The following NEK11 variants were observed in gnomAD, a reference collection of about 807,000 sequenced individuals.
NEK11 encodes the protein NIMA related kinase 11.
Under a neutral mutation model 80.7 loss-of-function variants are expected in NEK11, and 72 were observed. That is an observed-to-expected ratio of 0.89 (90% CI 0.74 to 1.08). The LOEUF (loss-of-function observed/expected upper bound fraction) is 1.08, where lower values mean the gene tolerates loss of function less well. Ranked by LOEUF, NEK11 falls within the 50% of genes least tolerant of loss-of-function variation. The probability of loss-of-function intolerance (pLI) is 0.00; values close to 1 mark genes in which losing one functional copy is unlikely to be tolerated. For missense variants in NEK11, 764 were observed against 763.6 expected, an observed-to-expected ratio of 1.00 and a Z score of -0.01; for synonymous variants, 251 against 260.7, an observed-to-expected ratio of 0.96 and a Z score of 0.36.
chr3:131,084,460 A>T (rs1318956778), intron 4 of NEK11, among the ~76,000 whole-genome samples: 1 of 152,214 alleles, frequency 6.6e-6, no homozygotes, highest in Admixed American at 6.5e-5. Context: ...CTGTGCTGAT[A>T]TACCTAACAA....
chr3:131,143,081 C>A (rs1392821945), intron 7 of NEK11, among the ~76,000 whole-genome samples: 1 of 152,134 alleles, frequency 6.6e-6, no homozygotes, highest in Non-Finnish European at 1.5e-5. Flanking sequence ...GTCACACTAG[C>A]CACATTTTCA....
At chr3:131,071,892 C>T (rs1441507046) in intron 3 of NEK11, among the ~76,000 whole-genome samples, 1 of 152,168 alleles carries the variant, frequency 6.6e-6, no homozygotes, top group Non-Finnish European at 1.5e-5. Context: ...GCCCAGTTCT[C>T]AAAGGGCTTA....
At chr3:131,123,406 C>A in intron 5 of NEK11, among the ~76,000 whole-genome samples, 1 of 152,116 alleles carries the variant, frequency 6.6e-6, no homozygotes, top group Non-Finnish European at 1.5e-5. Flanking sequence ...ACCTTGTGAT[C>A]TGCCTGCCTC....
chr3:131,217,824 G>A (rs989376118), intron 14 of NEK11, among the ~76,000 whole-genome samples: 1 of 152,086 alleles, frequency 6.6e-6, no homozygotes, highest in African/African-American at 2.4e-5. Context: ...TTATAAAAGC[G>A]AATCTTTCTA....
chr3:131,095,798 T>C (rs1407971945), intron 4 of NEK11, among the ~76,000 whole-genome samples: 1 of 152,162 alleles, frequency 6.6e-6, no homozygotes, highest in Non-Finnish European at 1.5e-5. Context: ...TTTGGAAACT[T>C]CCAAAGTTGG....
chr3:131,104,727 A>G (rs1228458125), intron 4 of NEK11, among the ~76,000 whole-genome samples: 3 of 152,112 alleles, frequency 2.0e-5, no homozygotes, highest in Admixed American at 6.5e-5. Flanking sequence ...GCTGGCACCA[A>G]CATGCTCAGA....
intron 3 of NEK11, among the ~76,000 whole-genome samples, chr3:131,077,284 T>G (rs1009329331): frequency 6.6e-6 from 1 of 152,182 alleles, no homozygotes; most frequent in African/African-American, 2.4e-5. Context: ...ACTTGGTAAG[T>G]TTCCATGCTG....
In NEK11 at chr3:131,162,510, G is replaced by T. The variant is rs763952427; in HGVS notation, c.1065G>T (p.Glu355Asp). 4 of 1,614,084 alleles carry T rather than the reference G, an allele frequency of 2.5e-6. No individual in the cohort carries two copies. The highest frequency in any genetic ancestry group is 1.7e-5 in the Admixed American group (1 of 60,024). ...MRLRKLQAAD[E>D]KARKLKKIVE... The stretch of plus-strand genomic sequence containing the variant: ...TGAGGAAGCTCCAGGCGGCTGATGA[G>T]AAAGCCAGGAAGCTGAAGTAAGCTG... The change falls in exon 11 of 18, where the codon GAG becomes GAT. Residue 355 changes from glutamate to aspartate, a missense_variant. Physicochemically the swap from Glu to Asp is conservative, Grantham distance 45 (BLOSUM62 2). Transcript: ENST00000383366.
At chr3:131,337,234 G>A (rs1319158162) in intron 17 of NEK11, among the ~76,000 whole-genome samples, 1 of 152,176 alleles carries the variant, frequency 6.6e-6, no homozygotes, top group East Asian at 1.9e-4. Context: ...AACAATGATA[G>A]ACTGGATTAA....
intron 17 of NEK11, among the ~76,000 whole-genome samples, chr3:131,312,165 G>A (rs560676156): frequency 1.3e-5 from 2 of 152,294 alleles, no homozygotes; most frequent in Admixed American, 6.5e-5. Flanking sequence ...TTAGGAGCAC[G>A]GTTCTTTAAG....
intron 16 of NEK11, among the ~76,000 whole-genome samples, chr3:131,246,065 T>C (rs755204355): frequency 2.0e-5 from 3 of 152,180 alleles, no homozygotes; most frequent in Non-Finnish European, 2.9e-5. Context: ...CATAGACCAA[T>C]GTCCAGAAGA....
intron 4 of NEK11, among the ~76,000 whole-genome samples, chr3:131,102,381 A>G (rs1211513311): frequency 6.6e-6 from 1 of 152,154 alleles, no homozygotes; most frequent in South Asian, 2.1e-4. Flanking sequence ...GTTAAAATGA[A>G]TTCCCTCAGC....
At chr3:131,233,865 G>A (rs1181351644) in intron 15 of NEK11, among the ~76,000 whole-genome samples, 1 of 152,216 alleles carries the variant, frequency 6.6e-6, no homozygotes, top group African/African-American at 2.4e-5. Context: ...TCCCTTGAAA[G>A]ATACTGTTTG....
chr3:131,214,326 G>C (rs1434710052), intron 14 of NEK11, among the ~76,000 whole-genome samples: 1 of 152,120 alleles, frequency 6.6e-6, no homozygotes, highest in African/African-American at 2.4e-5. Flanking sequence ...GACACCTAAG[G>C]CCTGGGAGCT....
intron 17 of NEK11, among the ~76,000 whole-genome samples, chr3:131,312,818 GT>G (rs999724974): frequency 2.0e-5 from 3 of 151,990 alleles, no homozygotes; most frequent in African/African-American, 7.3e-5. Context: ...GTAGACAAAA[GT>G]TTTTTTAAAA....
At chr3:131,181,564 A>C (rs139717439) in intron 14 of NEK11, among the ~76,000 whole-genome samples, 8 of 151,982 alleles carry the variant, frequency 5.3e-5, no homozygotes, top group African/African-American at 1.4e-4. Context: ...GGCTAACACG[A>C]TGAAACCCCA....
intron 16 of NEK11, among the ~76,000 whole-genome samples, chr3:131,254,725 G>A (rs2095772003): frequency 6.6e-6 from 1 of 152,082 alleles, no homozygotes; most frequent in African/African-American, 2.4e-5. Context: ...TCAGCTAGAA[G>A]TGCAGCTAAT....
At chr3:131,298,997 A>C (rs1222045167) in intron 17 of NEK11, among the ~76,000 whole-genome samples, 2 of 150,128 alleles carry the variant, frequency 1.3e-5, no homozygotes, top group Non-Finnish European at 3.0e-5. Context: ...AGACATCCTC[A>C]AGCTCAGAGA....
At position 131,225,741 on chromosome 3, in the gene NEK11, C is replaced by T. The variant is rs144533357; in HGVS notation, c.1400-2787C>T. Among the ~76,000 whole-genome samples, 98 of 152,014 alleles carry T rather than the reference C, an allele frequency of 6.4e-4. No homozygotes were observed. The East Asian group carries it at 0.019, about 29-fold the overall frequency. On this transcript the variant is annotated intron_variant, in intron 14 of 17. Transcript: ENST00000383366. ...CTAGGTTGGGGTGTTTTTCAAACTG[C>T]AGGTTGAGAGGTCAGTTTAGTGAGT...
Sources: allele counts gnomAD v4.1 joint callset (sites outside exome capture counted in the v4.1 genomes callset), GRCh38; gene constraint gnomAD v4.1.1; transcripts MANE v1.5; gene names NCBI Gene and HGNC (gene_info 2026-07-23, HGNC 2026-07-21).